UMODL1: variants seen among roughly 807,000 people sequenced by gnomAD.
UMODL1 encodes the protein uromodulin like 1.
In UMODL1, 128 loss-of-function variants were observed where a neutral mutation model predicts 136.3. That is an observed-to-expected ratio of 0.94 (90% CI 0.81 to 1.09). The LOEUF is 1.09. Among genes scored for constraint, UMODL1 ranks in the 50% least tolerant of loss-of-function variants. The pLI is 0.00. For missense variants in UMODL1, 1,766 were observed against 1,725.6 expected (o/e 1.02, Z -0.41); for synonymous variants, 721 against 720.0 (o/e 1.00, Z -0.02).
chr21:42,121,019 A>G (rs147474927), intron 15 of UMODL1, 68 bp from the exon 16 acceptor site: 20 of 1,555,150 alleles, frequency 1.3e-5, no homozygotes, highest in African/African-American at 6.8e-5. Flanking sequence ...CTCTCCCCCA[A>G]CCAGGCTGCT....
intron 21 of UMODL1, 60 bp downstream of exon 21, chr21:42,129,857 A>G: frequency 3.9e-6 from 5 of 1,291,606 alleles, no homozygotes; most frequent in East Asian, 2.5e-5. Context: ...CCTTTTCACC[A>G]GCATGTAAAT....
In UMODL1 at chr21:42,076,257, G is replaced by A. The variant is rs898581312; in HGVS notation, c.319+10G>A. 1.2e-6 allele frequency: 2 copies of A among 1,613,116 alleles called. No homozygotes were observed. The highest frequency in any genetic ancestry group is 8.5e-7 in the Non-Finnish European group (1 of 1,179,148). On this transcript the variant is annotated intron_variant, in intron 2 of 22. Coordinates refer to ENST00000408910, the MANE Select transcript of UMODL1 (RefSeq NM_001004416.3). ...CTCTACTGTGTCTTGCGTGAGTCCA[G>A]GGCTGCTGGGCTGGGGCGGGGCCAC... is the stretch of plus-strand genomic sequence containing the variant.
In UMODL1 at chr21:42,085,561, G is replaced by T; in HGVS notation, c.603+149G>T. On this transcript the variant is annotated intron_variant, in intron 4 of 22. Transcript: ENST00000408910. The surrounding 1 kb of genome is among the most constrained non-coding windows in gnomAD (Gnocchi z 4.5). Reference sequence around the variant, plus strand: ...ATGACTGACTCTGAACGAAATTCTAGTTCTTAAAAAATCAGCTTCAAAGAG... The same window carrying T: ...ATGACTGACTCTGAACGAAATTCTATTTCTTAAAAAATCAGCTTCAAAGAG... 3 of 1,245,808 alleles carry T rather than the reference G, an allele frequency of 2.4e-6. No individual in the cohort carries two copies. Among genetic ancestry groups the T allele is most frequent in the Non-Finnish European group, 3.4e-6 (3 of 893,562 alleles). The allele number at this position is 1,245,808 out of a possible 1,614,324, so 77.2% of individuals were successfully genotyped here.
intron 8 of UMODL1, chr21:42,103,082 C>G (rs1569155995): frequency 6.3e-6 from 1 of 159,166 alleles, no homozygotes; most frequent in Non-Finnish European, 1.4e-5. Flanking sequence ...GAGACATTAT[C>G]TGTTACATCA....
chr21:42,083,700 GC>G (rs1411824392), intron 2 of UMODL1, among the ~76,000 whole-genome samples: 2 of 152,268 alleles, frequency 1.3e-5, no homozygotes, highest in African/African-American at 4.8e-5. Context: ...CCGGCATTGT[GC>G]CCGGCACATA....
Position 42,085,127 on chromosome 21 carries a change from C to T in UMODL1, c.482-164C>T, listed in dbSNP as rs1237728077. 6.6e-6 allele frequency among the ~76,000 whole-genome samples: 1 copy of T among 152,064 alleles called. No homozygotes were observed. Among genetic ancestry groups the T allele is most frequent in the Non-Finnish European group, 1.5e-5 (1 of 68,014 alleles). On this transcript the variant is annotated intron_variant, in intron 3 of 22. Coordinates refer to ENST00000408910, the MANE Select transcript of UMODL1 (RefSeq NM_001004416.3). The surrounding 1 kb of genome is among the most constrained non-coding windows in gnomAD (Gnocchi z 4.5). ...AGGAGCGAGGGGCGGGCAGTGAGGA[C>T]ATCCCCCGTCTCCTGTGGTAGATGT...
At chr21:42,068,180 A>T (rs2066198685), upstream of UMODL1, among the ~76,000 whole-genome samples, 1 of 152,202 alleles carries the variant, frequency 6.6e-6, no homozygotes, top group Non-Finnish European at 1.5e-5. The surrounding 1 kb of genome is among the most constrained non-coding windows in gnomAD (Gnocchi z 5.5). Flanking sequence ...AGGCAGAGCC[A>T]TCTGTCCACA....
chr21:42,124,830 C>T (rs1601263434), intron 17 of UMODL1, among the ~76,000 whole-genome samples: 1 of 152,152 alleles, frequency 6.6e-6, no homozygotes, highest in Non-Finnish European at 1.5e-5. Context: ...CTGAAACCAC[C>T]GTGGACCTGC....
At position 42,085,134 on chromosome 21, in the gene UMODL1, C is replaced by T. The variant is rs60518571; in HGVS notation, c.482-157C>T. ...AGGGGCGGGCAGTGAGGACATCCCCCGTCTCCTGTGGTAGATGTCTTTTTG... is the reference window on the plus strand; with the variant it reads ...AGGGGCGGGCAGTGAGGACATCCCCTGTCTCCTGTGGTAGATGTCTTTTTG... On this transcript the variant is annotated intron_variant, in intron 3 of 22. Transcript: ENST00000408910. This position sits in a 1 kb window ranked among gnomAD's most constrained non-coding sequence, Gnocchi z 4.5. Among the ~76,000 whole-genome samples the T allele has an allele frequency of 7.3e-3, 1,113 of 152,156 alleles. 8 individuals carry two copies. Among genetic ancestry groups the T allele is most frequent in the African/African-American group, 0.025 (1,045 of 41,488 alleles).
chr21:42,113,916 T>A, intron 13 of UMODL1, 86 bp downstream of exon 13: 1 of 1,511,184 alleles, frequency 6.6e-7, no homozygotes, highest in Non-Finnish European at 8.9e-7. Flanking sequence ...AGAGCTGGAT[T>A]TGTTTATGGG....
intron 5 of UMODL1, among the ~76,000 whole-genome samples, chr21:42,089,627 G>A (rs370010970): frequency 5.3e-5 from 8 of 152,212 alleles, no homozygotes; most frequent in Non-Finnish European, 7.3e-5. Context: ...GTGTGATTTT[G>A]TTCTGAATTG....
Position 42,111,608 on chromosome 21 carries a change from C to A in UMODL1, c.2002C>A (p.Leu668Ile), listed in dbSNP as rs781090743. Residue 668 changes from leucine (L) to isoleucine (I), a missense_variant, in exon 12 of 23, where the codon CTT becomes ATT. By Grantham distance (5) the Leu-to-Ile change is conservative (BLOSUM62 2). Coordinates refer to ENST00000408910, the MANE Select transcript of UMODL1 (RefSeq NM_001004416.3). The part of the protein sequence containing the change: ...WHATRSTRET[L>I]LNPTWLRNED... ...TGCCACCCGTTCCACCCGGGAAACA[C>A]TTCTGAATCCCACGTGGCTGCGAAA... The A allele has an allele frequency of 6.2e-7, 1 of 1,614,170 alleles. No homozygotes were observed.
rs1286109330 is a variant in UMODL1, at chr21:42,099,279, G to A, written c.1186+99G>A. The stretch of plus-strand genomic sequence containing the variant: ...GTCGCGTTCTTCTTCCTATAACCAG[G>A]GCACCAGAAGTCACTGACCGCCCTG... On this transcript the variant is annotated intron_variant, in intron 7 of 22. Transcript: ENST00000408910. The surrounding 1 kb of genome is among the most constrained non-coding windows in gnomAD (Gnocchi z 4.1). 3 of 1,488,904 alleles carry A rather than the reference G, an allele frequency of 2.0e-6. No homozygotes were observed. The highest frequency in any genetic ancestry group is 2.7e-6 in the Non-Finnish European group (3 of 1,118,558). 92.2% of individuals were successfully genotyped at this position (1,488,904 alleles called of 1,614,324 possible).
chr21:42,082,560 A>C (rs1198793633), intron 2 of UMODL1, among the ~76,000 whole-genome samples: 1 of 152,102 alleles, frequency 6.6e-6, no homozygotes, highest in African/African-American at 2.4e-5. Context: ...CTGGCTATGG[A>C]GGCCACAGAG....
At chr21:42,110,290 G>A (rs895540032) in intron 10 of UMODL1, among the ~76,000 whole-genome samples, 1 of 152,218 alleles carries the variant, frequency 6.6e-6, no homozygotes, top group Non-Finnish European at 1.5e-5. Flanking sequence ...TAGCAATGTC[G>A]GCCCGGACAC....
Position 42,124,632 on chromosome 21 carries a change from A to G in UMODL1, c.3147+1482A>G, listed in dbSNP as rs1346496939. Among the ~76,000 whole-genome samples the G allele has an allele frequency of 3.3e-5, 5 of 152,000 alleles. No homozygotes were observed. The East Asian group carries it at 9.7e-4, about 30-fold the overall frequency. On this transcript the variant is annotated intron_variant, in intron 17 of 22. Coordinates refer to ENST00000408910, the MANE Select transcript of UMODL1 (RefSeq NM_001004416.3). ...CTGTGGATGGGGCTGAGCAGGGAGC[A>G]GTGCCTGGCCTAGGAGCCAGGGCCA... is the stretch of plus-strand genomic sequence containing the variant.
At chr21:42,127,283 T>G in intron 19 of UMODL1, 41 bp downstream of exon 19, 1 of 1,552,236 alleles carries the variant, frequency 6.4e-7, no homozygotes, top group Non-Finnish European at 8.9e-7. Flanking sequence ...CAGCAATGCC[T>G]GGGGCTTTAT....
chr21:42,075,245 G>GT (rs961214511), intron 1 of UMODL1, among the ~76,000 whole-genome samples: 11 of 148,220 alleles, frequency 7.4e-5, no homozygotes, highest in African/African-American at 2.8e-4. Flanking sequence ...TGGAGATGGG[G>GT]GGGGGGTTTC....
Position 42,095,088 on chromosome 21 carries a change from T to TG in UMODL1, c.932-3837dup, listed in dbSNP as rs199827394. On this transcript the variant is annotated intron_variant, in intron 6 of 22. Coordinates refer to ENST00000408910, the MANE Select transcript of UMODL1 (RefSeq NM_001004416.3). ...GCATCACTCCTTTGTTTTCTTCTGC[T>TG]GTTTTTTTTTTTTTTTTTTTTTTTG... 2.4e-4 allele frequency among the ~76,000 whole-genome samples: 27 copies of TG among 112,034 alleles called. 1 individual carries two copies. The highest frequency in any genetic ancestry group is 1.0e-3 in the South Asian group (3 of 2,906). The allele number at this position is 112,034 out of a possible 152,430, so 73.5% of individuals were successfully genotyped here. A position where few individuals can be genotyped will look rare whatever the true frequency, so the allele number is the denominator to read the frequency against.
Sources: gnomAD v4.1 joint callset for allele counts (sites outside exome capture counted in the v4.1 genomes callset) on GRCh38, gnomAD v4.1.1 for gene constraint, Gnocchi (gnomAD v3.1) non-coding constraint, MANE v1.5 for transcripts, NCBI Gene and HGNC (gene_info 2026-07-23, HGNC 2026-07-21) for gene names.